Variants in DMXL2 observed in about 807,000 individuals in gnomAD.
The protein encoded by DMXL2 is Dmx like 2.
In DMXL2, 103 loss-of-function variants were observed where a neutral mutation model predicts 331.1. The observed-to-expected ratio is 0.31, with a 90% CI of 0.27 to 0.37. The LOEUF is 0.37. Ranked by LOEUF, DMXL2 falls within the 10% of genes least tolerant of loss-of-function variation. DMXL2 has a pLI of 1.00. For missense variants in DMXL2, 3,171 were observed against 3,642.9 expected (o/e 0.87, Z 3.33); for synonymous variants, 1,281 against 1,252.1 (o/e 1.02, Z -0.49).
Position 51,474,282 on chromosome 15 carries a change from A to G in DMXL2, c.7213+62T>C, listed in dbSNP as rs2271676. On this transcript the variant is annotated intron_variant, in intron 28 of 43. Transcript: ENST00000560891. ...AGTGAAATTTCTTGAAACATTAAAA[A>G]AAATTTTAACATTCAAAATGATTAA... 44,901 of 1,492,450 alleles carry G rather than the reference A, an allele frequency of 0.03. 1,918 individuals are homozygous for G. Among genetic ancestry groups the G allele is most frequent in the East Asian group, 0.16 (7,198 of 43,646 alleles). 92.5% of individuals were successfully genotyped at this position (1,492,450 alleles called of 1,614,324 possible).
rs1204661197 is a variant in DMXL2, at chr15:51,538,295, A to G, written c.1263T>C (p.His421=). 4 of 1,613,832 alleles carry G rather than the reference A, an allele frequency of 2.5e-6. No individual in the cohort carries two copies. The highest frequency in any genetic ancestry group is 1.1e-5 in the South Asian group (1 of 91,080). Residue 421 remains histidine, a synonymous_variant, in exon 10 of 44, where the codon CAT becomes CAC. Transcript: ENST00000560891. ...CTTCTCTATCTGCATCATCATTTTC[A>G]TGATCTACCTGCTTATCAGAAAGTT... ...LRKLSDKQVD[H]ENDDADREDE... is the part of the protein sequence containing the mutation.
At position 51,464,883 on chromosome 15, in the gene DMXL2, G is replaced by A. The variant is rs199755756; in HGVS notation, c.7607-7C>T. The A allele has an allele frequency of 1.2e-6, 2 of 1,602,960 alleles. No homozygotes were observed. Among genetic ancestry groups the A allele is most frequent in the East Asian group, 2.2e-5 (1 of 44,728 alleles). On this transcript the variant is annotated splice_region_variant and splice_polypyrimidine_tract_variant and intron_variant, in intron 31 of 43. Transcript: ENST00000560891. ...GGTGATGTTACAGGCAGCTCTACAA[G>A]GTGACAGAATATGTTATTTATTTTA... is the stretch of plus-strand genomic sequence containing the variant.
In DMXL2 at chr15:51,456,186, T is replaced by A. The variant is rs750197901; in HGVS notation, c.8406A>T (p.Thr2802=). The change falls in exon 39 of 44, where the codon ACA becomes ACT. Residue 2802 remains threonine (T), a synonymous_variant. Transcript: ENST00000560891. ...TSHPVHQYYL[T]GAQDGSVRMF... The stretch of plus-strand genomic sequence containing the variant: ...TTCGTACACTGCCGTCCTGAGCACC[T>A]GTAAGATCTGAAACACAAGAGAAAA... The A allele has an allele frequency of 9.3e-6, 15 of 1,611,814 alleles. No individual in the cohort carries two copies. The Admixed American group carries it at 2.5e-4, about 27-fold the overall frequency.
chr15:51,498,644 G>A lies in DMXL2; in HGVS notation c.4580C>T (p.Thr1527Ile), dbSNP rs2043358834. The A allele has an allele frequency of 6.2e-7, 1 of 1,614,160 alleles. No homozygotes were observed. The highest frequency in any genetic ancestry group is 2.2e-5 in the East Asian group (1 of 44,860). ...TACAAGGAACATCTGCTCCAAACGG[G>A]TAAGGCCTGGTAGACTTGAGTGCAT... ...HLMHSSLPGL[T>I]RLEQMFLVAL... The change falls in exon 18 of 44, where the codon ACC (threonine) becomes ATC (isoleucine). Residue 1527 changes from threonine (T) to isoleucine (I), a missense_variant. Coordinates refer to ENST00000560891, the MANE Select transcript of DMXL2 (RefSeq NM_001378457.1).
intron 27 of DMXL2, 66 bp from the exon 28 acceptor site, chr15:51,474,658 A>G: frequency 2.0e-6 from 3 of 1,486,996 alleles, no homozygotes; most frequent in Non-Finnish European, 2.7e-6. Context: ...AAAACATCCA[A>G]ATTTGCAACT....
At chr15:51,513,622 A>G (rs1433766983) in intron 15 of DMXL2, among the ~76,000 whole-genome samples, 1 of 152,184 alleles carries the variant, frequency 6.6e-6, no homozygotes. Context: ...TGCTATACAT[A>G]ATTTCGTGAT....
At chr15:51,601,971 T>C (rs937216910) in intron 1 of DMXL2, among the ~76,000 whole-genome samples, 14 of 152,216 alleles carry the variant, frequency 9.2e-5, no homozygotes, top group African/African-American at 2.9e-4. Flanking sequence ...TAGGTCCTTT[T>C]TGATGGTATG....
chr15:51,557,588 G>A (rs2049684456), intron 6 of DMXL2, among the ~76,000 whole-genome samples: 1 of 151,948 alleles, frequency 6.6e-6, no homozygotes, highest in Admixed American at 6.6e-5. Flanking sequence ...TCTTAAAAAA[G>A]AAAAACAAGA....
At chr15:51,504,689 T>G (rs2043927558) in intron 16 of DMXL2, among the ~76,000 whole-genome samples, 1 of 152,192 alleles carries the variant, frequency 6.6e-6, no homozygotes, top group South Asian at 2.1e-4. Flanking sequence ...TAAGAAATAT[T>G]TTCACATTTT....
Position 51,480,104 on chromosome 15 carries a change from T to C in DMXL2, c.6600A>G (p.Pro2200=), listed in dbSNP as rs753354037. Residue 2200 remains proline (P), a synonymous_variant, in exon 25 of 44, where the codon CCA becomes CCG. Transcript: ENST00000560891. The part of the protein sequence containing the change: ...TTVKQLQSPL[P]LPTTLPLLSA... ...AAAGCAGAGGTAGGGTGGTAGGCAG[T>C]GGTAGTGGAGACTGGAGCTGCTTTA... is the stretch of plus-strand genomic sequence containing the variant. The C allele has an allele frequency of 1.8e-5, 29 of 1,584,274 alleles. No homozygotes were observed. The highest frequency in any genetic ancestry group is 2.5e-5 in the Non-Finnish European group (29 of 1,157,776).
intron 20 of DMXL2, among the ~76,000 whole-genome samples, chr15:51,490,502 T>C (rs1314993493): frequency 1.2e-4 from 18 of 152,094 alleles, no homozygotes. Flanking sequence ...AAAAGGAAAA[T>C]ATGAATAAGA....
intron 25 of DMXL2, among the ~76,000 whole-genome samples, chr15:51,479,358 GAA>G (rs2041839408): frequency 1.3e-5 from 2 of 152,216 alleles, no homozygotes; most frequent in Admixed American, 6.5e-5. Flanking sequence ...CTGGGACAGT[GAA>G]AAGTCTGATC....
intron 13 of DMXL2, among the ~76,000 whole-genome samples, chr15:51,521,171 C>T (rs991542547): frequency 5.9e-5 from 9 of 152,128 alleles, no homozygotes; most frequent in African/African-American, 1.9e-4. Context: ...GAGTGACAGC[C>T]GTAGTTGTAA....
chr15:51,533,440 T>C (rs903976062), intron 13 of DMXL2, among the ~76,000 whole-genome samples: 5 of 152,124 alleles, frequency 3.3e-5, no homozygotes, highest in Middle Eastern at 3.4e-3. Flanking sequence ...GGAGAACAAA[T>C]AGAACCATAA....
At chr15:51,538,586 C>CT in intron 9 of DMXL2, 134 bp from the exon 10 acceptor site, 1 of 632,016 alleles carries the variant, frequency 1.6e-6, no homozygotes, top group Non-Finnish European at 2.5e-6. Flanking sequence ...TTTGTAAAAA[C>CT]TTTAACTGAA....
intron 6 of DMXL2, among the ~76,000 whole-genome samples, chr15:51,561,673 A>G (rs2049982276): frequency 6.6e-6 from 1 of 152,222 alleles, no homozygotes; most frequent in Non-Finnish European, 1.5e-5. Context: ...CATCAATCCC[A>G]CTAATGGGTA....
intron 23 of DMXL2, among the ~76,000 whole-genome samples, chr15:51,482,782 AAAATAAACC>A (rs2042107929): frequency 6.6e-6 from 1 of 152,220 alleles, no homozygotes; most frequent in African/African-American, 2.4e-5. Flanking sequence ...AGCATCCATA[AAAATAAACC>A]AAGAGAATGA....
chr15:51,619,768 C>A (rs1021844199), intron 1 of DMXL2, among the ~76,000 whole-genome samples: 1 of 152,190 alleles, frequency 6.6e-6, no homozygotes, highest in Non-Finnish European at 1.5e-5. Context: ...GAGTTAGTTG[C>A]AAGACAGTAG....
At chr15:51,595,492 C>A (rs190047168) in intron 1 of DMXL2, among the ~76,000 whole-genome samples, 2 of 152,304 alleles carry the variant, frequency 1.3e-5, no homozygotes, top group African/African-American at 4.8e-5. Context: ...AATGGCCATA[C>A]TGCCCAAGGT....
Sources: gnomAD v4.1 joint callset for allele counts (sites outside exome capture counted in the v4.1 genomes callset) on GRCh38, gnomAD v4.1.1 for gene constraint, MANE v1.5 for transcripts, NCBI Gene and HGNC (gene_info 2026-07-23, HGNC 2026-07-21) for gene names.